SLC25A21: variants seen among roughly 807,000 people sequenced by gnomAD.
SLC25A21 encodes the protein solute carrier family 25 member 21.
SLC25A21 carries 47 observed loss-of-function variants against 43.8 expected under a neutral mutation model. That is an observed-to-expected ratio of 1.07 (90% CI 0.85 to 1.37). The LOEUF is 1.37. SLC25A21 is among the 40% of genes most tolerant of loss of function. SLC25A21 has a pLI of 0.00. For missense variants in SLC25A21, 352 were observed against 350.2 expected, an observed-to-expected ratio of 1.00 and a Z score of -0.04; for synonymous variants, 131 against 121.3, an observed-to-expected ratio of 1.08 and a Z score of -0.52.
intron 5 of SLC25A21, among the ~76,000 whole-genome samples, chr14:36,729,060 C>T (rs1884713018): frequency 6.6e-6 from 1 of 152,178 alleles, no homozygotes; most frequent in Admixed American, 6.5e-5. Context: ...ATAAAAGGCC[C>T]TTCAGTCTGC....
At chr14:36,809,632 G>A (rs1272208470) in intron 3 of SLC25A21, among the ~76,000 whole-genome samples, 1 of 152,164 alleles carries the variant, frequency 6.6e-6, no homozygotes, top group Non-Finnish European at 1.5e-5. Context: ...CTCTAAGAAT[G>A]GTGGAGAGAA....
At chr14:36,973,007 T>TTTTA (rs879699975) in intron 1 of SLC25A21, among the ~76,000 whole-genome samples, 3 of 149,018 alleles carry the variant, frequency 2.0e-5, no homozygotes, top group South Asian at 2.1e-4. Context: ...TAATTTTTAT[T>TTTTA]TTTATTTATT....
intron 1 of SLC25A21, among the ~76,000 whole-genome samples, chr14:36,948,593 C>A (rs949650151): frequency 6.6e-6 from 1 of 152,034 alleles, no homozygotes; most frequent in African/African-American, 2.4e-5. Context: ...TACAGTTACT[C>A]CACAGTATCA....
chr14:37,097,937 C>T lies in SLC25A21; in HGVS notation c.70+74344G>A, dbSNP rs547391986. The T allele has an allele frequency of 4.0e-5, 6 of 151,758 alleles. No homozygotes were observed. In the South Asian group the frequency reaches 1.0e-3, roughly 26 times the overall value. The allele number at this position is 151,758 out of a possible 1,614,324, so 9.4% of individuals were successfully genotyped here. A position where few individuals can be genotyped will look rare whatever the true frequency, so the allele number is the denominator to read the frequency against. ...GATGGATGGATATATAGATAGGTAG[C>T]TATAGAGAAGAAATGATAAAGCAAA... On this transcript the variant is annotated intron_variant, in intron 1 of 9. Coordinates refer to ENST00000331299, the MANE Select transcript of SLC25A21 (RefSeq NM_030631.4).
chr14:36,903,960 C>T (rs931417137), intron 1 of SLC25A21, among the ~76,000 whole-genome samples: 1 of 152,154 alleles, frequency 6.6e-6, no homozygotes, highest in African/African-American at 2.4e-5. Flanking sequence ...TTAGAAAGTT[C>T]TTTCAAACTT....
chr14:36,718,788 A>G (rs1170253782), intron 6 of SLC25A21, among the ~76,000 whole-genome samples: 2 of 152,214 alleles, frequency 1.3e-5, no homozygotes, highest in East Asian at 3.8e-4. Flanking sequence ...AGATTTTCCC[A>G]TCAGTTACAC....
In SLC25A21 at chr14:36,698,047, G is replaced by C. The variant is rs576822991; in HGVS notation, c.604-13122C>G. On this transcript the variant is annotated intron_variant, in intron 7 of 9. Transcript: ENST00000331299. ...AATTTGGCATGTTTTTGCAGTGGCT[G>C]GTACCGGTTGTTTCTTTCCACGTTT... Among the ~76,000 whole-genome samples, 209 of 152,280 alleles carry C rather than the reference G, an allele frequency of 1.4e-3. 1 individual carries two copies. Among genetic ancestry groups the C allele is most frequent in the Non-Finnish European group, 2.4e-3 (166 of 68,012 alleles).
chr14:36,851,102 T>C (rs961926729), intron 2 of SLC25A21, among the ~76,000 whole-genome samples: 3 of 152,232 alleles, frequency 2.0e-5, no homozygotes, highest in African/African-American at 7.2e-5. Flanking sequence ...AATATTATTG[T>C]TATGAATAGG....
chr14:37,065,244 C>A, intron 1 of SLC25A21, among the ~76,000 whole-genome samples: 1 of 152,114 alleles, frequency 6.6e-6, no homozygotes, highest in Non-Finnish European at 1.5e-5. Context: ...TATACTGTGA[C>A]AAAACATGGT....
intron 3 of SLC25A21, among the ~76,000 whole-genome samples, chr14:36,749,687 G>C (rs1009442423): frequency 6.6e-6 from 1 of 152,072 alleles, no homozygotes; most frequent in South Asian, 2.1e-4. Flanking sequence ...GTGTTCCCTG[G>C]CCCAGGTACA....
At chr14:36,714,562 G>A (rs1026448799) in intron 6 of SLC25A21, among the ~76,000 whole-genome samples, 2 of 152,186 alleles carry the variant, frequency 1.3e-5, no homozygotes, top group African/African-American at 2.4e-5. Context: ...AGGCCATACG[G>A]GAAGAAAGGC....
chr14:36,854,731 G>A (rs749426927), intron 2 of SLC25A21, among the ~76,000 whole-genome samples: 5 of 152,096 alleles, frequency 3.3e-5, no homozygotes, highest in Non-Finnish European at 5.9e-5. Flanking sequence ...CAGATATTGC[G>A]GATTCTGGAA....
intron 1 of SLC25A21, among the ~76,000 whole-genome samples, chr14:36,997,963 A>T (rs551371931): frequency 1.3e-5 from 2 of 152,308 alleles, no homozygotes; most frequent in South Asian, 4.1e-4. Context: ...CATCTAAGGA[A>T]CAGACAGGTT....
Position 36,794,811 on chromosome 14 carries a change from G to C in SLC25A21, c.203+19107C>G, listed in dbSNP as rs1177855144. Among the ~76,000 whole-genome samples the C allele has an allele frequency of 2.0e-5, 3 of 151,238 alleles. No individual in the cohort carries two copies. The East Asian group carries it at 5.8e-4, about 29-fold the overall frequency. On this transcript the variant is annotated intron_variant, in intron 3 of 9. Transcript: ENST00000331299. ...CTAGTAAATAAGACTCTTCTCCAAG[G>C]AATAAAAATTAAAGGGTTGTTTGTG...
At chr14:37,126,923 G>A (rs1963307651) in intron 1 of SLC25A21, among the ~76,000 whole-genome samples, 2 of 152,166 alleles carry the variant, frequency 1.3e-5, no homozygotes, top group South Asian at 4.1e-4. Flanking sequence ...ACCAGCCTGT[G>A]TTTGGAAAGA....
chr14:36,979,335 T>TTGTTG (rs1959962791), intron 1 of SLC25A21, among the ~76,000 whole-genome samples: 1 of 145,272 alleles, frequency 6.9e-6, no homozygotes, highest in Non-Finnish European at 1.5e-5. Flanking sequence ...TTTTTTGGTT[T>TTGTTG]TTTTTTTTAC....
At chr14:37,158,107 A>G (rs1566920649) in intron 1 of SLC25A21, among the ~76,000 whole-genome samples, 1 of 152,116 alleles carries the variant, frequency 6.6e-6, no homozygotes, top group Non-Finnish European at 1.5e-5. Flanking sequence ...CCCAACAACA[A>G]CGACAAAAAG....
At chr14:37,072,566 C>A (rs1962194798) in intron 1 of SLC25A21, among the ~76,000 whole-genome samples, 1 of 152,076 alleles carries the variant, frequency 6.6e-6, no homozygotes, top group Admixed American at 6.6e-5. Flanking sequence ...ACCAGCCTAG[C>A]TAACATGCTG....
chr14:36,819,673 ATCT>A (rs1214209169), intron 2 of SLC25A21, among the ~76,000 whole-genome samples: 9 of 152,306 alleles, frequency 5.9e-5, no homozygotes, highest in South Asian at 2.1e-4. Context: ...TACATCTATC[ATCT>A]TCTTAACAAA....
Sources: gnomAD v4.1 joint callset for allele counts (sites outside exome capture counted in the v4.1 genomes callset) on GRCh38, gnomAD v4.1.1 for gene constraint, MANE v1.5 for transcripts, NCBI Gene and HGNC (gene_info 2026-07-23, HGNC 2026-07-21) for gene names.